SIPA1L2: variants seen among roughly 807,000 people sequenced by gnomAD.
SIPA1L2 encodes the protein signal induced proliferation associated 1 like 2, also known as signal-induced proliferation-associated 1-like protein 2.
In SIPA1L2, 56 loss-of-function variants were observed where a neutral mutation model predicts 163.9. The observed-to-expected ratio is 0.34, with a 90% CI of 0.28 to 0.43. SIPA1L2 has a LOEUF of 0.43. Ranked by LOEUF, SIPA1L2 falls within the 20% of genes least tolerant of loss-of-function variation. The pLI, the probability that SIPA1L2 is intolerant of heterozygous loss-of-function variation, is 1.00. For missense variants in SIPA1L2, 1,974 were observed against 2,193.5 expected (o/e 0.90, Z 2.00); for synonymous variants, 877 against 865.7 (o/e 1.01, Z -0.23).
At chr1:232,414,254 C>T (rs1046790499) in intron 19 of SIPA1L2, among the ~76,000 whole-genome samples, 1 of 152,184 alleles carries the variant, frequency 6.6e-6, no homozygotes, top group African/African-American at 2.4e-5. Flanking sequence ...TCACCTACTT[C>T]CCCTGTGTCC....
chr1:232,617,262 C>T (rs1662550159), intron 1 of SIPA1L2, among the ~76,000 whole-genome samples: 2 of 152,184 alleles, frequency 1.3e-5, no homozygotes, highest in African/African-American at 4.8e-5. Context: ...AAGTGTCAGC[C>T]AACTAACAAA....
chr1:232,450,852 A>T (rs983641725), intron 10 of SIPA1L2, among the ~76,000 whole-genome samples: 2 of 152,218 alleles, frequency 1.3e-5, no homozygotes, highest in Non-Finnish European at 2.9e-5. Flanking sequence ...ATCATGACTC[A>T]TATTTTGAGA....
chr1:232,417,439 C>T (rs1337444467), intron 18 of SIPA1L2, among the ~76,000 whole-genome samples: 1 of 152,114 alleles, frequency 6.6e-6, no homozygotes, highest in Non-Finnish European at 1.5e-5. Flanking sequence ...AACACTGGTT[C>T]TTCCTTATTC....
chr1:232,574,831 G>A (rs182395449), intron 1 of SIPA1L2, among the ~76,000 whole-genome samples: 3 of 152,208 alleles, frequency 2.0e-5, no homozygotes, highest in Admixed American at 2.0e-4. Context: ...TCAATATTAG[G>A]TATGCAGTGC....
At chr1:232,528,826 A>C (rs1208852172) in intron 2 of SIPA1L2, among the ~76,000 whole-genome samples, 2 of 152,130 alleles carry the variant, frequency 1.3e-5, no homozygotes, top group African/African-American at 4.8e-5. Flanking sequence ...AAACTTCACA[A>C]CACCACTCCC....
rs1660402545 is a variant in SIPA1L2, at chr1:232,402,476, A to G, written c.4941-3T>C. ...TCAGTGGTGATGGAGAACGCTCCCT[A>G]GCAAATAAGGATAGAATTAGAAAGA... On this transcript the variant is annotated splice_polypyrimidine_tract_variant and splice_region_variant and intron_variant, in intron 21 of 22. Coordinates refer to ENST00000674635, the MANE Select transcript of SIPA1L2 (RefSeq NM_020808.5). 9 of 1,611,842 alleles carry G rather than the reference A, an allele frequency of 5.6e-6. No homozygotes were observed. Among genetic ancestry groups the G allele is most frequent in the Non-Finnish European group, 7.6e-6 (9 of 1,178,816 alleles).
chr1:232,440,419 C>T (rs888705032), intron 14 of SIPA1L2, among the ~76,000 whole-genome samples: 2 of 152,166 alleles, frequency 1.3e-5, no homozygotes, highest in African/African-American at 2.4e-5. Flanking sequence ...TTTCATCATA[C>T]ACTGATATTC....
intron 1 of SIPA1L2, among the ~76,000 whole-genome samples, chr1:232,590,530 G>T (rs16857721): frequency 0.29 from 43,970 of 152,116 alleles, 6,883 homozygotes; most frequent in Non-Finnish European, 0.35. Flanking sequence ...AGGGTATGGA[G>T]GAGAAACACA....
rs758530647 is a variant in SIPA1L2 at position 232,465,465 on chromosome 1, A to G, written c.2244-49T>C. Reference sequence around the variant, plus strand: ...AAATGAGATGAGCTATGATACCATAATATGTATCTTTCCGAATTTGACATA... The same window carrying G: ...AAATGAGATGAGCTATGATACCATAGTATGTATCTTTCCGAATTTGACATA... On this transcript the variant is annotated intron_variant, in intron 8 of 22. Transcript: ENST00000674635. This position sits in a 1 kb window ranked among gnomAD's most constrained non-coding sequence, Gnocchi z 4.1. 1.3e-6 allele frequency: 2 copies of G among 1,494,924 alleles called. No individual in the cohort carries two copies. Among genetic ancestry groups the G allele is most frequent in the South Asian group, 1.3e-5 (1 of 77,704 alleles). The allele number at this position is 1,494,924 out of a possible 1,614,324, so 92.6% of individuals were successfully genotyped here.
In SIPA1L2 at chr1:232,543,131, T is replaced by C. The variant is rs1426877258; in HGVS notation, c.-269-27523A>G. On this transcript the variant is annotated intron_variant, in intron 2 of 22. Coordinates refer to ENST00000674635, the MANE Select transcript of SIPA1L2 (RefSeq NM_020808.5). Reference sequence around the variant, plus strand: ...AGTCACTGTCTTCCACAGGACAGCCTGTGACTATGCTGCTATGTAAATCGA... The same window carrying C: ...AGTCACTGTCTTCCACAGGACAGCCCGTGACTATGCTGCTATGTAAATCGA... 3.9e-5 allele frequency among the ~76,000 whole-genome samples: 6 copies of C among 152,354 alleles called. No homozygotes were observed. The East Asian group carries it at 1.2e-3, about 29-fold the overall frequency.
intron 2 of SIPA1L2, among the ~76,000 whole-genome samples, chr1:232,526,265 G>C (rs756760286): frequency 3.9e-5 from 6 of 152,190 alleles, no homozygotes; most frequent in Non-Finnish European, 7.3e-5. Flanking sequence ...GTGCTTGGCA[G>C]CATCTGAGTC....
In SIPA1L2 at chr1:232,545,285, T is replaced by C. The variant is rs146132715; in HGVS notation, c.-270+28889A>G. 3.6e-3 allele frequency among the ~76,000 whole-genome samples: 550 copies of C among 152,312 alleles called. 5 individuals are homozygous for C. The highest frequency in any genetic ancestry group is 0.028 in the South Asian group (133 of 4,828). On this transcript the variant is annotated intron_variant, in intron 2 of 22. Transcript: ENST00000674635. The stretch of plus-strand genomic sequence containing the variant: ...AACCTGGCCACAAACAAGCTACACT[T>C]ACTGACTATATGATTTCTAACTTTC...
chr1:232,537,095 G>C (rs10910550), intron 2 of SIPA1L2, among the ~76,000 whole-genome samples: 18,894 of 152,126 alleles, frequency 0.12, 1,292 homozygotes, highest in Middle Eastern at 0.3. Context: ...AATTAGCCAG[G>C]TGTGGTGGTT....
At chr1:232,584,616 C>G (rs1660556949) in intron 1 of SIPA1L2, among the ~76,000 whole-genome samples, 1 of 152,164 alleles carries the variant, frequency 6.6e-6, no homozygotes, top group Non-Finnish European at 1.5e-5. Flanking sequence ...AATTTGTATG[C>G]CTTTCCTCTC....
At chr1:232,461,283 G>C in intron 9 of SIPA1L2, 122 bp from the exon 10 acceptor site, 1 of 1,223,900 alleles carries the variant, frequency 8.2e-7, no homozygotes, top group East Asian at 2.4e-5. Flanking sequence ...AGCCCAGCCT[G>C]TCTCTCTCTG....
chr1:232,433,273 A>C (rs760763137), intron 15 of SIPA1L2, among the ~76,000 whole-genome samples: 6 of 152,244 alleles, frequency 3.9e-5, no homozygotes, highest in Non-Finnish European at 7.3e-5. Context: ...TGTAGAGAAG[A>C]AGCAAGTCAC....
At chr1:232,437,658 A>G (rs1301364377) in intron 15 of SIPA1L2, among the ~76,000 whole-genome samples, 1 of 152,134 alleles carries the variant, frequency 6.6e-6, no homozygotes, top group Non-Finnish European at 1.5e-5. Context: ...CCCCCAGCCC[A>G]GGCTGAGGGC....
chr1:232,596,804 T>C (rs1324256737), intron 1 of SIPA1L2, among the ~76,000 whole-genome samples: 1 of 152,178 alleles, frequency 6.6e-6, no homozygotes, highest in African/African-American at 2.4e-5. Flanking sequence ...TGTGAGGGGA[T>C]CGATGAGTTA....
At chr1:232,567,061 C>G (rs1211931031) in intron 2 of SIPA1L2, among the ~76,000 whole-genome samples, 1 of 152,086 alleles carries the variant, frequency 6.6e-6, no homozygotes, top group Non-Finnish European at 1.5e-5. Flanking sequence ...ATGACTTGGC[C>G]GTCTCCTTAA....
Sources: allele counts gnomAD v4.1 joint callset (sites outside exome capture counted in the v4.1 genomes callset), GRCh38; gene constraint gnomAD v4.1.1; non-coding constraint Gnocchi (gnomAD v3.1); transcripts MANE v1.5; gene names NCBI Gene and HGNC (gene_info 2026-07-23, HGNC 2026-07-21).